The following ZNF536 variants were observed in gnomAD, a reference collection of about 807,000 sequenced individuals.
ZNF536 encodes zinc finger protein 536.
Under a neutral mutation model 84.5 loss-of-function variants are expected in ZNF536, and 13 were observed. The ratio of observed to expected loss-of-function variants is 0.15; its 90% CI spans 0.10 to 0.24. ZNF536 has a LOEUF of 0.24. ZNF536 is among the 10% of genes least tolerant of loss of function. The pLI, the probability that ZNF536 is intolerant of heterozygous loss-of-function variation, is 1.00. For missense variants in ZNF536, 1,536 were observed against 1,747.5 expected (o/e 0.88, Z 2.16); for synonymous variants, 811 against 742.5 (o/e 1.09, Z -1.50).
chr19:30,528,665 C>T (rs912840415), intron 2 of ZNF536, among the ~76,000 whole-genome samples: 5 of 152,128 alleles, frequency 3.3e-5, no homozygotes, highest in East Asian at 3.9e-4. Context: ...TCAACCTTTG[C>T]GTTGCAAGGT....
At chr19:30,289,977 C>G (rs1388695250) in intron 2 of ZNF536, among the ~76,000 whole-genome samples, 1 of 152,210 alleles carries the variant, frequency 6.6e-6, no homozygotes, top group Non-Finnish European at 1.5e-5. Context: ...CACCTCCCAT[C>G]TCTAGAACGT....
At chr19:30,399,781 G>A (rs1600565021) in intron 1 of ZNF536, among the ~76,000 whole-genome samples, 2 of 146,834 alleles carry the variant, frequency 1.4e-5, no homozygotes, top group South Asian at 2.2e-4. Flanking sequence ...TCCGCCTCCC[G>A]GGTTCAAGCG....
intron 1 of ZNF536, among the ~76,000 whole-genome samples, chr19:30,585,582 A>T (rs2146724851): frequency 6.6e-6 from 1 of 152,296 alleles, no homozygotes; most frequent in Admixed American, 6.5e-5. Flanking sequence ...GAAGCTGCCC[A>T]TTGGCTCAGG....
At chr19:30,326,377 C>T (rs902116935) in intron 2 of ZNF536, among the ~76,000 whole-genome samples, 2 of 152,144 alleles carry the variant, frequency 1.3e-5, no homozygotes, top group Non-Finnish European at 2.9e-5. Context: ...GAAAAGGGTG[C>T]GGGAGACAGG....
At position 30,443,807 on chromosome 19, in the gene ZNF536, C is replaced by T. The variant is rs941188446; in HGVS notation, c.245C>T (p.Ala82Val). ...GGCCAGCCCATGGGCAGTCAGATGG[C>T]GCTCCTGGCCAACCAGCTGGGCCGG... ...MSGQPMGSQM[A>V]LLANQLGREV... Residue 82 changes from alanine (A) to valine (V), a missense_variant, in exon 2 of 5, where the codon GCG becomes GTG. By Grantham distance (64) the Ala-to-Val change is moderately conservative. Around this residue, in one of 8 missense-constraint regions of ZNF536, gnomAD observed 161 missense variants for 178.5 expected, o/e 0.90. Transcript: ENST00000355537. 1.2e-5 allele frequency: 20 copies of T among 1,612,926 alleles called. No individual in the cohort carries two copies. The highest frequency in any genetic ancestry group is 1.7e-5 in the Admixed American group (1 of 59,970).
chr19:30,505,349 AAT>A, intron 2 of ZNF536, among the ~76,000 whole-genome samples: 1 of 144,224 alleles, frequency 6.9e-6, no homozygotes, highest in African/African-American at 2.5e-5. Context: ...TATGATAATA[AAT>A]ATATATTATA....
intron 1 of ZNF536, among the ~76,000 whole-genome samples, chr19:30,603,397 G>A (rs1025216034): frequency 6.6e-6 from 1 of 152,200 alleles, no homozygotes; most frequent in Non-Finnish European, 1.5e-5. Context: ...CCATAGATCC[G>A]ATGGAGATAG....
chr19:30,469,660 C>T (rs1023580661), intron 2 of ZNF536, among the ~76,000 whole-genome samples: 2 of 152,182 alleles, frequency 1.3e-5, no homozygotes, highest in African/African-American at 4.8e-5. Context: ...CAGGTGTACC[C>T]ATTCCACACC....
At chr19:30,406,294 A>G (rs929839518) in intron 1 of ZNF536, among the ~76,000 whole-genome samples, 2 of 152,130 alleles carry the variant, frequency 1.3e-5, no homozygotes, top group African/African-American at 4.8e-5. Context: ...AAGGAAGAGG[A>G]GTGGGAGACG....
chr19:30,532,661 G>A (rs1187323285), intron 2 of ZNF536, among the ~76,000 whole-genome samples: 1 of 152,022 alleles, frequency 6.6e-6, no homozygotes, highest in East Asian at 1.9e-4. Flanking sequence ...GAGGCCGGGA[G>A]GGCAAATGCA....
chr19:30,467,492 C>A (rs1019163168), intron 2 of ZNF536, among the ~76,000 whole-genome samples: 1 of 152,154 alleles, frequency 6.6e-6, no homozygotes, highest in Non-Finnish European at 1.5e-5. Context: ...ATGCATATCC[C>A]GAATTTTCTT....
downstream of ZNF536, among the ~76,000 whole-genome samples, chr19:30,558,212 A>G (rs1002662425): frequency 1.3e-5 from 2 of 152,122 alleles, no homozygotes; most frequent in Non-Finnish European, 2.9e-5. Flanking sequence ...GCATTTTTCT[A>G]TCCACTCTTA....
chr19:30,673,658 G>T (rs2050645433), intron 1 of ZNF536, among the ~76,000 whole-genome samples: 1 of 152,150 alleles, frequency 6.6e-6, no homozygotes, highest in African/African-American at 2.4e-5. Flanking sequence ...GTGCCCCTAA[G>T]CCTGCTATCT....
chr19:30,358,598 C>A (rs2048171898), intron 3 of ZNF536, among the ~76,000 whole-genome samples: 3 of 152,234 alleles, frequency 2.0e-5, no homozygotes, highest in African/African-American at 4.8e-5. Flanking sequence ...GTGGTTTAAG[C>A]AAACCAAATA....
chr19:30,646,578 G>A (rs1025126169), intron 1 of ZNF536, among the ~76,000 whole-genome samples: 1 of 152,182 alleles, frequency 6.6e-6, no homozygotes, highest in Non-Finnish European at 1.5e-5. Flanking sequence ...CACAGCTGTT[G>A]ATCACGCACT....
chr19:30,566,531 A>AG (rs2046351947), intron 1 of ZNF536, among the ~76,000 whole-genome samples: 1 of 152,252 alleles, frequency 6.6e-6, no homozygotes, highest in Non-Finnish European at 1.5e-5. Context: ...GGGGAAACTG[A>AG]GGCACCGAGC....
At chr19:30,577,945 G>A (rs868512571) in intron 1 of ZNF536, among the ~76,000 whole-genome samples, 1 of 152,276 alleles carries the variant, frequency 6.6e-6, no homozygotes, top group Middle Eastern at 3.4e-3. Flanking sequence ...AGTTTCGCAG[G>A]CAATGGGAGG....
At chr19:30,539,794 G>A (rs756604034) in intron 3 of ZNF536, among the ~76,000 whole-genome samples, 1 of 152,178 alleles carries the variant, frequency 6.6e-6, no homozygotes, top group East Asian at 1.9e-4. Context: ...TGGGGGAGGC[G>A]TGACCCCCTG....
chr19:30,251,471 A>T (rs1377919545), intron 1 of ZNF536, among the ~76,000 whole-genome samples: 2 of 152,146 alleles, frequency 1.3e-5, no homozygotes, highest in Non-Finnish European at 2.9e-5. Context: ...GTTCCTGCTG[A>T]TGGTTCCCAG....
Sources: gnomAD v4.1 joint callset for allele counts (sites outside exome capture counted in the v4.1 genomes callset) on GRCh38, gnomAD v4.1.1 for gene constraint, gnomAD v4.1.1 regional missense constraint, MANE v1.5 for transcripts, NCBI Gene and HGNC (gene_info 2026-07-23, HGNC 2026-07-21) for gene names.